CYP7B1: variants seen among roughly 807,000 people sequenced by gnomAD.
CYP7B1 encodes cytochrome P450 7B1.
A neutral mutation model predicts 42.7 loss-of-function variants in CYP7B1; 29 were observed. The ratio of observed to expected loss-of-function variants is 0.68; its 90% CI spans 0.51 to 0.93. The LOEUF (loss-of-function observed/expected upper bound fraction) is 0.93, where lower values mean the gene tolerates loss of function less well. Ranked by LOEUF, CYP7B1 falls within the 40% of genes least tolerant of loss-of-function variation. The probability of loss-of-function intolerance (pLI) is 0.00; values close to 1 mark genes in which losing one functional copy is unlikely to be tolerated. For missense variants in CYP7B1, 655 were observed against 600.5 expected (o/e 1.09, Z -0.95); for synonymous variants, 235 against 218.2 (o/e 1.08, Z -0.68).
At chr8:64,773,739 T>C (rs1030118102) in intron 1 of CYP7B1, among the ~76,000 whole-genome samples, 4 of 152,174 alleles carry the variant, frequency 2.6e-5, no homozygotes, top group Admixed American at 2.6e-4. Context: ...AGCATGGCAA[T>C]GGTATCTGGT....
chr8:64,667,180 C>A (rs987788950), intron 1 of CYP7B1, among the ~76,000 whole-genome samples: 1 of 152,032 alleles, frequency 6.6e-6, no homozygotes, highest in African/African-American at 2.4e-5. Context: ...GAAAGAAACC[C>A]CACCCTGTCG....
chr8:64,756,288 T>C (rs767591648), intron 1 of CYP7B1, among the ~76,000 whole-genome samples: 6 of 152,236 alleles, frequency 3.9e-5, no homozygotes, highest in Non-Finnish European at 8.8e-5. Flanking sequence ...CCTTCAAAAA[T>C]GAAGTTGACT....
At chr8:64,643,865 G>C (rs1442597390) in intron 1 of CYP7B1, among the ~76,000 whole-genome samples, 4 of 152,122 alleles carry the variant, frequency 2.6e-5, no homozygotes, top group African/African-American at 4.8e-5. Context: ...TTTATCATGA[G>C]ATTGCAGCAA....
intron 4 of CYP7B1, among the ~76,000 whole-genome samples, chr8:64,613,221 A>G (rs1805387222): frequency 6.6e-6 from 1 of 152,154 alleles, no homozygotes; most frequent in Non-Finnish European, 1.5e-5. Context: ...GAGACTTGTC[A>G]ATTTATGAGG....
At chr8:64,754,517 A>G (rs1807778011) in intron 1 of CYP7B1, among the ~76,000 whole-genome samples, 1 of 152,156 alleles carries the variant, frequency 6.6e-6, no homozygotes, top group South Asian at 2.1e-4. Context: ...GTAGGGGTCA[A>G]GTCAGAGACT....
In CYP7B1 at chr8:64,593,048, T is replaced by C. The variant is rs1427099077; in HGVS notation, c.*3594A>G. Among the ~76,000 whole-genome samples the C allele has an allele frequency of 1.3e-5, 2 of 152,198 alleles. No homozygotes were observed. The highest frequency in any genetic ancestry group is 2.1e-4 in the South Asian group (1 of 4,834). On this transcript the variant is annotated 3_prime_UTR_variant, in exon 6 of 6. Coordinates refer to ENST00000310193, the MANE Select transcript of CYP7B1 (RefSeq NM_004820.5). ...AAATTCCTGTACACATTTCCAGTTA[T>C]AAAATAAGCCGAAATTGGAATGGAA...
chr8:64,622,223 A>T (rs1392294408), intron 2 of CYP7B1, among the ~76,000 whole-genome samples: 3 of 151,682 alleles, frequency 2.0e-5, no homozygotes, highest in Non-Finnish European at 2.9e-5. Context: ...TGCATAATAA[A>T]GCATTGAAAT....
At chr8:64,792,057 A>G (rs1391273479) in intron 1 of CYP7B1, among the ~76,000 whole-genome samples, 1 of 152,232 alleles carries the variant, frequency 6.6e-6, no homozygotes, top group Non-Finnish European at 1.5e-5. Flanking sequence ...ACATGAAATG[A>G]AGAACTAAGG....
At chr8:64,632,050 G>A (rs753244129) in intron 1 of CYP7B1, among the ~76,000 whole-genome samples, 11 of 152,096 alleles carry the variant, frequency 7.2e-5, no homozygotes, top group Non-Finnish European at 1.2e-4. Context: ...ATATGATCTA[G>A]TAATTATATA....
chr8:64,772,820 C>T (rs1052336693), intron 1 of CYP7B1, among the ~76,000 whole-genome samples: 2 of 152,196 alleles, frequency 1.3e-5, no homozygotes, highest in African/African-American at 4.8e-5. Flanking sequence ...CCTCACTTCA[C>T]TCCCACAACA....
intron 1 of CYP7B1, among the ~76,000 whole-genome samples, chr8:64,744,060 A>C (rs1186088345): frequency 2.0e-5 from 3 of 152,158 alleles, no homozygotes; most frequent in Non-Finnish European, 2.9e-5. Flanking sequence ...ATGTTTATTC[A>C]TTCTAGGAAA....
At chr8:64,646,124 A>G (rs1297387414) in intron 1 of CYP7B1, among the ~76,000 whole-genome samples, 1 of 152,186 alleles carries the variant, frequency 6.6e-6, no homozygotes, top group Non-Finnish European at 1.5e-5. Flanking sequence ...ATTACCATTC[A>G]GGACATAGGC....
At chr8:64,719,368 G>A (rs951151513) in intron 1 of CYP7B1, among the ~76,000 whole-genome samples, 7 of 152,132 alleles carry the variant, frequency 4.6e-5, no homozygotes, top group African/African-American at 1.4e-4. Context: ...AGCGATTCAT[G>A]TATTATTAAG....
At chr8:64,619,406 C>A (rs2129630304) in intron 2 of CYP7B1, among the ~76,000 whole-genome samples, 1 of 152,088 alleles carries the variant, frequency 6.6e-6, no homozygotes, top group African/African-American at 2.4e-5. Context: ...CCATGTTTTC[C>A]AAAGAGAAGA....
At chr8:64,720,793 T>C (rs1807224181) in intron 1 of CYP7B1, among the ~76,000 whole-genome samples, 1 of 152,136 alleles carries the variant, frequency 6.6e-6, no homozygotes, top group Non-Finnish European at 1.5e-5. Flanking sequence ...AGATGCATTT[T>C]AAATTTTATC....
intron 1 of CYP7B1, among the ~76,000 whole-genome samples, chr8:64,626,439 C>G (rs1312544765): frequency 6.6e-6 from 1 of 152,074 alleles, no homozygotes; most frequent in African/African-American, 2.4e-5. Context: ...AAATAATAAT[C>G]TTAAATTGAG....
At chr8:64,644,559 T>A (rs1585828078) in intron 1 of CYP7B1, among the ~76,000 whole-genome samples, 1 of 152,308 alleles carries the variant, frequency 6.6e-6, no homozygotes, top group African/African-American at 2.4e-5. Flanking sequence ...AACATTAATC[T>A]CCTTGTATGT....
At chr8:64,760,285 T>A (rs959888880) in intron 1 of CYP7B1, among the ~76,000 whole-genome samples, 2 of 152,060 alleles carry the variant, frequency 1.3e-5, no homozygotes, top group Non-Finnish European at 2.9e-5. Flanking sequence ...GAAAAGCTCC[T>A]TGACATTGGT....
chr8:64,594,038 T>C lies in CYP7B1; in HGVS notation c.*2604A>G, dbSNP rs1805078573. 6.6e-6 allele frequency among the ~76,000 whole-genome samples: 1 copy of C among 151,814 alleles called. No individual in the cohort carries two copies. The highest frequency in any genetic ancestry group is 2.1e-4 in the South Asian group (1 of 4,804). On this transcript the variant is annotated 3_prime_UTR_variant, in exon 6 of 6. Transcript: ENST00000310193. The stretch of plus-strand genomic sequence containing the variant: ...CAGAATGGAGAGGATTGGATGGATC[T>C]GAGGATGGGACATAACAAATTTAGA...
Sources: gnomAD v4.1 joint callset for allele counts (sites outside exome capture counted in the v4.1 genomes callset) on GRCh38, gnomAD v4.1.1 for gene constraint, MANE v1.5 for transcripts, NCBI Gene and HGNC (gene_info 2026-07-23, HGNC 2026-07-21) for gene names.